Variants in PLEKHH1 observed in about 807,000 individuals in gnomAD.
PLEKHH1 encodes the protein pleckstrin homology, MyTH4 and FERM domain containing H1, also known as pleckstrin homology domain-containing family H member 1.
In PLEKHH1, 104 loss-of-function variants were observed where a neutral mutation model predicts 160.0. That is an observed-to-expected ratio of 0.65 (90% CI 0.55 to 0.76). The LOEUF is 0.76. PLEKHH1 is among the 30% of genes least tolerant of loss of function. The probability of loss-of-function intolerance (pLI) is 0.00; values close to 1 mark genes in which losing one functional copy is unlikely to be tolerated. For missense variants in PLEKHH1, 1,427 were observed against 1,724.1 expected (o/e 0.83, Z 3.05); for synonymous variants, 619 against 678.4 (o/e 0.91, Z 1.36).
At chr14:67,584,227 AC>A in intron 26 of PLEKHH1, 103 bp downstream of exon 26, 1 of 1,125,514 alleles carries the variant, frequency 8.9e-7, no homozygotes, top group Non-Finnish European at 1.3e-6. Flanking sequence ...ACCAGTAACC[AC>A]CAGAGGTCAC....
chr14:67,586,540 T>TG, intron 28 of PLEKHH1: 2 of 680,782 alleles, frequency 2.9e-6, no homozygotes, highest in Admixed American at 2.4e-5. Context: ...TCTTCCTTGT[T>TG]GTGGGGAAGA....
chr14:67,569,703 G>A (rs1489478400), intron 8 of PLEKHH1: 1 of 585,802 alleles, frequency 1.7e-6, no homozygotes, highest in Non-Finnish European at 3.1e-6. Context: ...TTAAAGGTAA[G>A]GCTTTTGGAT....
intron 8 of PLEKHH1, 65 bp from the exon 9 acceptor site, chr14:67,569,856 G>A (rs1339118215): frequency 9.7e-7 from 1 of 1,033,592 alleles, no homozygotes; most frequent in East Asian, 2.6e-5. Flanking sequence ...CCAGTTCTCT[G>A]CTTCCCCCAC....
intron 4 of PLEKHH1, 110 bp downstream of exon 4, chr14:67,557,528 C>G: frequency 1.1e-6 from 1 of 884,284 alleles, no homozygotes; most frequent in Non-Finnish European, 1.7e-6. Context: ...GGAACTCGCT[C>G]CCTCCTGAGC....
rs745408630 is a variant in PLEKHH1 at position 67,586,192 on chromosome 14, G to A, written c.3933+95G>A. 2.2e-5 allele frequency: 31 copies of A among 1,396,776 alleles called. No homozygotes were observed. The African/African-American group carries it at 3.5e-4, about 16-fold the overall frequency. 86.5% of individuals were successfully genotyped at this position (1,396,776 alleles called of 1,614,324 possible). On this transcript the variant is annotated intron_variant, in intron 28 of 28. Transcript: ENST00000329153. ...CTGGGGTTATGCTAGTGCTCTGCAA[G>A]GGCCCTGCCCAGATAAAATTGTTGG... is the stretch of plus-strand genomic sequence containing the variant.
In PLEKHH1 at chr14:67,562,627, C is replaced by T; in HGVS notation, c.996C>T (p.His332=). ...GCATCCAGTTGGCCAAAAGGCACCA[C>T]AGCCAGCCCCAGGTGGGCCATGGGC... is the stretch of plus-strand genomic sequence containing the variant. ...RDSIQLAKRH[H]SQPQVGHGHF... is the part of the protein sequence containing the mutation. Residue 332 remains histidine (H), a synonymous_variant, in exon 7 of 29, where the codon CAC becomes CAT. Coordinates refer to ENST00000329153, the MANE Select transcript of PLEKHH1 (RefSeq NM_020715.3). The T allele has an allele frequency of 1.9e-6, 3 of 1,613,028 alleles. No individual in the cohort carries two copies. The highest frequency in any genetic ancestry group is 2.5e-6 in the Non-Finnish European group (3 of 1,179,544).
At chr14:67,535,290 G>A (rs2140302235) in intron 1 of PLEKHH1, among the ~76,000 whole-genome samples, 1 of 144,320 alleles carries the variant, frequency 6.9e-6, no homozygotes, top group Admixed American at 7.0e-5. Flanking sequence ...ATACCCTTTT[G>A]TTCAATGTTC....
At chr14:67,556,946 A>G (rs1386145848) in intron 3 of PLEKHH1, among the ~76,000 whole-genome samples, 1 of 152,054 alleles carries the variant, frequency 6.6e-6, no homozygotes, top group Non-Finnish European at 1.5e-5. Flanking sequence ...GTCCTGCCCA[A>G]CTCATTCCTC....
At chr14:67,548,940 C>T (rs990882997) in intron 2 of PLEKHH1, among the ~76,000 whole-genome samples, 1 of 152,100 alleles carries the variant, frequency 6.6e-6, no homozygotes, top group African/African-American at 2.4e-5. Context: ...TGTTTACTCC[C>T]CTTAAGCAAG....
intron 1 of PLEKHH1, among the ~76,000 whole-genome samples, chr14:67,539,425 G>A (rs771558458): frequency 1.3e-5 from 2 of 152,150 alleles, no homozygotes; most frequent in South Asian, 2.1e-4. Flanking sequence ...ACCAAGAAGC[G>A]AGCTTACTCG....
At chr14:67,542,804 G>A (rs536809430) in intron 2 of PLEKHH1, among the ~76,000 whole-genome samples, 4 of 152,254 alleles carry the variant, frequency 2.6e-5, no homozygotes, top group East Asian at 1.9e-4. Context: ...GGGCTCAAGC[G>A]ATTCTCCTGC....
At chr14:67,583,238 A>G (rs922752764) in intron 24 of PLEKHH1, among the ~76,000 whole-genome samples, 1 of 152,216 alleles carries the variant, frequency 6.6e-6, no homozygotes, top group African/African-American at 2.4e-5. Flanking sequence ...TACTAAGCAT[A>G]TATGCATCCT....
intron 1 of PLEKHH1, among the ~76,000 whole-genome samples, chr14:67,534,157 G>C (rs1038801714): frequency 1.3e-5 from 2 of 152,176 alleles, no homozygotes; most frequent in African/African-American, 4.8e-5. Context: ...TGTTTGGACT[G>C]TCTTCTATGT....
intron 5 of PLEKHH1, among the ~76,000 whole-genome samples, chr14:67,559,958 C>T (rs1051286058): frequency 1.3e-5 from 2 of 152,158 alleles, no homozygotes; most frequent in Non-Finnish European, 2.9e-5. Flanking sequence ...TGAAAAGCCC[C>T]CTCAGTTTCT....
chr14:67,534,565 T>A (rs1208047557), intron 1 of PLEKHH1, among the ~76,000 whole-genome samples: 1 of 152,154 alleles, frequency 6.6e-6, no homozygotes, highest in Non-Finnish European at 1.5e-5. Context: ...GAGCCATAAC[T>A]GAAACCCAAG....
Position 67,582,147 on chromosome 14 carries a change from A to G in PLEKHH1, c.3363A>G (p.Ile1121Met). ...TTGCCTCTCAAACCAGTAGAGAGATAGTGGCAGGGAGGTTTCCTATCAACA... is the reference window on the plus strand; with the variant it reads ...TTGCCTCTCAAACCAGTAGAGAGATGGTGGCAGGGAGGTTTCCTATCAACA... ...LLLASQTSREIVAGRFPINKE... is the reference protein window; with the variant it reads ...LLLASQTSREMVAGRFPINKE... Residue 1121 changes from isoleucine (I) to methionine (M), a missense_variant, in exon 24 of 29, where the codon ATA (isoleucine) becomes ATG (methionine). Ile to Met is a conservative substitution (Grantham distance 10). Transcript: ENST00000329153. This position sits in a 1 kb window ranked among gnomAD's most constrained non-coding sequence, Gnocchi z 5.0. 1.9e-6 allele frequency: 3 copies of G among 1,613,588 alleles called. No individual in the cohort carries two copies. Among genetic ancestry groups the G allele is most frequent in the Non-Finnish European group, 2.5e-6 (3 of 1,179,778 alleles).
chr14:67,553,140 CAG>C (rs150215072), intron 2 of PLEKHH1, among the ~76,000 whole-genome samples: 7,211 of 152,228 alleles, frequency 0.047, 264 homozygotes, highest in Non-Finnish European at 0.067. Flanking sequence ...CAGATGAAGT[CAG>C]AAAATATCAG....
intron 18 of PLEKHH1, 83 bp downstream of exon 18, chr14:67,577,497 C>T (rs193159659): frequency 1.2e-6 from 1 of 867,842 alleles, no homozygotes; most frequent in Admixed American, 2.0e-5. Context: ...GGGGACAACC[C>T]ACAGAGGGAT....
At chr14:67,542,547 G>A (rs924021068) in intron 2 of PLEKHH1, among the ~76,000 whole-genome samples, 2 of 152,078 alleles carry the variant, frequency 1.3e-5, no homozygotes, top group African/African-American at 4.8e-5. Flanking sequence ...AATTATATCA[G>A]ATCACATATG....
Sources: allele counts gnomAD v4.1 joint callset (sites outside exome capture counted in the v4.1 genomes callset), GRCh38; gene constraint gnomAD v4.1.1; non-coding constraint Gnocchi (gnomAD v3.1); transcripts MANE v1.5; gene names NCBI Gene and HGNC (gene_info 2026-07-23, HGNC 2026-07-21).